The following ANO3 variants were observed in gnomAD, a reference collection of about 807,000 sequenced individuals.
The protein encoded by ANO3 is anoctamin-3.
Under a neutral mutation model 144.8 loss-of-function variants are expected in ANO3, and 99 were observed. The ratio of observed to expected loss-of-function variants is 0.68; its 90% CI spans 0.58 to 0.81. ANO3 has a LOEUF of 0.81. Ranked by LOEUF, ANO3 falls within the 30% of genes least tolerant of loss-of-function variation. ANO3 has a pLI of 0.00. For synonymous variants in ANO3, 414 were observed against 392.6 expected (o/e 1.05, Z -0.64); for missense variants, 905 against 1,202.2 (o/e 0.75, Z 3.66).
At chr11:26,594,463 A>G (rs1002030602) in intron 14 of ANO3, among the ~76,000 whole-genome samples, 10 of 152,208 alleles carry the variant, frequency 6.6e-5, no homozygotes, top group African/African-American at 2.4e-5. Flanking sequence ...CTTGTAAAAC[A>G]TCAATATAGC....
Position 26,643,389 on chromosome 11 carries a change from G to A in ANO3, c.2428+55G>A, listed in dbSNP as rs575500869. 7.8e-5 allele frequency: 125 copies of A among 1,593,666 alleles called. No homozygotes were observed. The African/African-American group carries it at 1.5e-3, about 20-fold the overall frequency. ...GTTGCTAACACCAATAGGTTGCTAT[G>A]GTTTGAGTGTGCCCCCAGATTCATA... On this transcript the variant is annotated intron_variant, in intron 23 of 26. Transcript: ENST00000256737.
intron 4 of ANO3, among the ~76,000 whole-genome samples, chr11:26,470,908 G>T (rs370033328): frequency 2.2e-3 from 330 of 152,060 alleles, no homozygotes; most frequent in African/African-American, 7.6e-3. Context: ...TTTCCAAACA[G>T]TTTTTCCATT....
intron 6 of ANO3, among the ~76,000 whole-genome samples, chr11:26,522,028 C>T (rs950742206): frequency 2.6e-5 from 4 of 151,984 alleles, no homozygotes; most frequent in African/African-American, 9.7e-5. Flanking sequence ...ACTAAATATA[C>T]AAAAAATTAG....
rs184457388 is a variant in ANO3, at chr11:26,387,172, C to A, written c.47-54746C>A. Reference sequence around the variant, plus strand: ...TTTTTTTAGTAGAGACAGGGTTTCACCATGTTGGCCAGGCTGGTCTGGAAC... The same window carrying A: ...TTTTTTTAGTAGAGACAGGGTTTCAACATGTTGGCCAGGCTGGTCTGGAAC... On this transcript the variant is annotated intron_variant, in intron 1 of 26. Transcript: ENST00000256737. Among the ~76,000 whole-genome samples, 311 of 142,358 alleles carry A rather than the reference C, an allele frequency of 2.2e-3. 1 individual carries two copies. The highest frequency in any genetic ancestry group is 7.5e-3 in the African/African-American group (294 of 38,960). The allele number at this position is 142,358 out of a possible 152,430, so 93.4% of individuals were successfully genotyped here.
At chr11:26,484,414 A>G (rs1860358909) in intron 4 of ANO3, among the ~76,000 whole-genome samples, 1 of 152,202 alleles carries the variant, frequency 6.6e-6, no homozygotes, top group Non-Finnish European at 1.5e-5. Context: ...CTGCTCCAGC[A>G]GGTGGAAGCC....
At chr11:26,543,657 G>A (rs994560600) in intron 11 of ANO3, among the ~76,000 whole-genome samples, 1 of 152,166 alleles carries the variant, frequency 6.6e-6, no homozygotes, top group African/African-American at 2.4e-5. Context: ...ACCACCCTGT[G>A]TCCAAGTGTT....
At chr11:26,521,708 C>T (rs950711691) in intron 6 of ANO3, among the ~76,000 whole-genome samples, 5 of 152,066 alleles carry the variant, frequency 3.3e-5, no homozygotes, top group Non-Finnish European at 5.9e-5. Context: ...TCTTGCGATC[C>T]AAAGCTGATT....
intron 4 of ANO3, among the ~76,000 whole-genome samples, chr11:26,465,764 GTA>G (rs1301470322): frequency 6.6e-6 from 1 of 151,894 alleles, no homozygotes; most frequent in African/African-American, 2.4e-5. Flanking sequence ...TAAATAGACT[GTA>G]TATGTGTTTA....
chr11:26,350,322 A>G (rs968903208), intron 1 of ANO3, among the ~76,000 whole-genome samples: 6 of 152,144 alleles, frequency 3.9e-5, no homozygotes, highest in Admixed American at 1.3e-4. Flanking sequence ...GGGACCTATT[A>G]GAGACTCTAG....
At chr11:26,572,019 A>C (rs1466782430) in intron 14 of ANO3, 1 of 916,398 alleles carries the variant, frequency 1.1e-6, no homozygotes, top group Admixed American at 6.2e-5. Context: ...CGAGAGACCT[A>C]AGTGACCCAA....
At chr11:26,364,168 G>T (rs1037423244) in intron 1 of ANO3, among the ~76,000 whole-genome samples, 1 of 152,068 alleles carries the variant, frequency 6.6e-6, no homozygotes, top group East Asian at 1.9e-4. Context: ...TAAGGTCCTG[G>T]GTGCCGTTCC....
intron 4 of ANO3, among the ~76,000 whole-genome samples, chr11:26,479,087 T>C (rs1318094965): frequency 5.3e-5 from 8 of 152,074 alleles, no homozygotes; most frequent in African/African-American, 1.9e-4. Context: ...AGAGAAGAAA[T>C]ATAATAGTAG....
chr11:26,439,983 C>T (rs1015967149), intron 1 of ANO3, among the ~76,000 whole-genome samples: 7 of 152,124 alleles, frequency 4.6e-5, no homozygotes, highest in African/African-American at 1.7e-4. Context: ...AATAAAGGCA[C>T]CAACCACAAA....
intron 1 of ANO3, among the ~76,000 whole-genome samples, chr11:26,216,540 G>A (rs982686586): frequency 6.6e-6 from 1 of 151,898 alleles, no homozygotes; most frequent in African/African-American, 2.4e-5. Context: ...TATATTGAAT[G>A]CTTCCTGTTT....
At chr11:26,345,555 C>T (rs377252301) in intron 1 of ANO3, among the ~76,000 whole-genome samples, 3 of 152,098 alleles carry the variant, frequency 2.0e-5, no homozygotes, top group South Asian at 2.1e-4. Flanking sequence ...CCATCTCAAA[C>T]GAACAAACAA....
At chr11:26,541,203 C>T (rs754863800) in intron 10 of ANO3, among the ~76,000 whole-genome samples, 1 of 152,104 alleles carries the variant, frequency 6.6e-6, no homozygotes, top group Non-Finnish European at 1.5e-5. Context: ...GAACGGAAAA[C>T]GAAACACCCC....
intron 1 of ANO3, among the ~76,000 whole-genome samples, chr11:26,299,726 TG>T (rs1258501718): frequency 6.6e-6 from 1 of 152,106 alleles, no homozygotes; most frequent in Non-Finnish European, 1.5e-5. Context: ...GGGAAATTAT[TG>T]GGCTGCTGTC....
At chr11:26,297,017 T>A (rs768953886) in intron 1 of ANO3, among the ~76,000 whole-genome samples, 46 of 152,180 alleles carry the variant, frequency 3.0e-4, no homozygotes, top group Non-Finnish European at 6.5e-4. Flanking sequence ...ACACCCAGGA[T>A]AGCTCATTTC....
At chr11:26,504,586 CA>C (rs1452148106) in intron 4 of ANO3, among the ~76,000 whole-genome samples, 3 of 151,568 alleles carry the variant, frequency 2.0e-5, no homozygotes, top group African/African-American at 7.3e-5. Context: ...AAAAAGATAT[CA>C]GGGGAAGTGG....
Sources: gnomAD v4.1 joint callset for allele counts (sites outside exome capture counted in the v4.1 genomes callset) on GRCh38, gnomAD v4.1.1 for gene constraint, MANE v1.5 for transcripts, NCBI Gene and HGNC (gene_info 2026-07-23, HGNC 2026-07-21) for gene names.